IPO11: variants seen among roughly 807,000 people sequenced by gnomAD.
IPO11 encodes the protein importin 11.
Under a neutral mutation model 143.2 loss-of-function variants are expected in IPO11, and 66 were observed. The observed-to-expected ratio is 0.46, with a 90% CI of 0.38 to 0.57. The LOEUF (loss-of-function observed/expected upper bound fraction) is 0.57, where lower values mean the gene tolerates loss of function less well. Among genes scored for constraint, IPO11 ranks in the 20% least tolerant of loss-of-function variants. The probability of loss-of-function intolerance (pLI) is 0.00; values close to 1 mark genes in which losing one functional copy is unlikely to be tolerated. For missense variants in IPO11, 1,026 were observed against 1,141.0 expected, an observed-to-expected ratio of 0.90 and a Z score of 1.45; for synonymous variants, 385 against 377.8, an observed-to-expected ratio of 1.02 and a Z score of -0.22.
intron 5 of IPO11, 108 bp downstream of exon 5, chr5:62,452,041 G>A (rs1177785785): frequency 4.8e-6 from 4 of 833,188 alleles, no homozygotes; most frequent in Middle Eastern, 2.9e-4. Context: ...GGTGGATCAC[G>A]AGGTCAGGCC....
chr5:62,593,318 G>T (rs1486330234), intron 28 of IPO11, among the ~76,000 whole-genome samples: 1 of 152,186 alleles, frequency 6.6e-6, no homozygotes, highest in African/African-American at 2.4e-5. Flanking sequence ...AAATTATCTA[G>T]TGCAGTCTCA....
intron 27 of IPO11, chr5:62,579,278 A>G: frequency 7.3e-6 from 5 of 682,424 alleles, no homozygotes; most frequent in South Asian, 3.6e-5. Flanking sequence ...TTACCATGGT[A>G]TGATTTATGA....
intron 1 of IPO11, among the ~76,000 whole-genome samples, chr5:62,435,202 ATATATATGTG>A (rs1744170232): frequency 1.9e-5 from 2 of 107,016 alleles, no homozygotes; most frequent in African/African-American, 7.2e-5. Flanking sequence ...ATATATATGT[ATATATATGTG>A]TATATATATA....
rs61748227 is a variant in IPO11, at chr5:62,476,731, C to A, written c.806C>A (p.Thr269Asn). 1.5e-3 allele frequency: 2,255 copies of A among 1,516,356 alleles called. 2 individuals are homozygous for A. The highest frequency in any genetic ancestry group is 1.9e-3 in the Non-Finnish European group (2,133 of 1,129,640). 93.9% of individuals were successfully genotyped at this position (1,516,356 alleles called of 1,614,324 possible). A position where few individuals can be genotyped will look rare whatever the true frequency, so the allele number is the denominator to read the frequency against. ...GTGTGTAGAGATAGACTGGAAAAGA[C>A]CATCATTCTTTTTACTAAAGTGGTA... is the stretch of plus-strand genomic sequence containing the variant. ...DNVCRDRLEK[T>N]IILFTKVLLD... The change falls in exon 9 of 30, where the codon ACC (threonine) becomes AAC (asparagine). Residue 269 changes from threonine (T) to asparagine (N), a missense_variant. Transcript: ENST00000325324.
chr5:62,453,382 T>C (rs944666790), intron 5 of IPO11, among the ~76,000 whole-genome samples: 1 of 151,168 alleles, frequency 6.6e-6, no homozygotes, highest in African/African-American at 2.5e-5. Flanking sequence ...AGCCTAGTCC[T>C]ATAATGTGGA....
At chr5:62,554,834 G>T (rs1743517292) in intron 26 of IPO11, among the ~76,000 whole-genome samples, 2 of 152,058 alleles carry the variant, frequency 1.3e-5, no homozygotes. Context: ...TCCTGACTCA[G>T]CCTCCCCAGT....
At chr5:62,619,507 T>C (rs901186309) in intron 29 of IPO11, among the ~76,000 whole-genome samples, 1 of 152,208 alleles carries the variant, frequency 6.6e-6, no homozygotes, top group African/African-American at 2.4e-5. Context: ...AAATTTCTTA[T>C]TGAAATAGGA....
chr5:62,546,788 G>C (rs1314088391), intron 24 of IPO11, among the ~76,000 whole-genome samples: 1 of 152,102 alleles, frequency 6.6e-6, no homozygotes, highest in Non-Finnish European at 1.5e-5. Context: ...CCATTAAAAA[G>C]AAATGAAGAA....
intron 1 of IPO11, among the ~76,000 whole-genome samples, chr5:62,423,788 A>C (rs1461529815): frequency 2.0e-5 from 3 of 152,194 alleles, no homozygotes; most frequent in Non-Finnish European, 4.4e-5. Context: ...TCAAAATAAT[A>C]AACTTCATTT....
intron 15 of IPO11, among the ~76,000 whole-genome samples, chr5:62,491,240 A>G (rs1047067887): frequency 2.0e-5 from 3 of 152,212 alleles, no homozygotes; most frequent in Admixed American, 6.5e-5. Flanking sequence ...GATACTCTAA[A>G]AGTAATTCTT....
chr5:62,553,170 A>G (rs1257815540), intron 26 of IPO11, among the ~76,000 whole-genome samples: 2 of 152,126 alleles, frequency 1.3e-5, no homozygotes, highest in South Asian at 2.1e-4. Flanking sequence ...CTTTGAGGTC[A>G]TCTTTTTTAG....
chr5:62,526,400 C>CT (rs1475978263), intron 21 of IPO11, 143 bp downstream of exon 21: 28 of 581,608 alleles, frequency 4.8e-5, no homozygotes, highest in Non-Finnish European at 8.2e-5. Flanking sequence ...CATATATCTC[C>CT]TTTTTTTGGC....
chr5:62,606,618 C>T (rs972753761), intron 29 of IPO11, among the ~76,000 whole-genome samples: 6 of 151,840 alleles, frequency 4.0e-5, no homozygotes, highest in East Asian at 1.9e-4. Flanking sequence ...AGGCAGATCA[C>T]GAAGTCAGGA....
intron 24 of IPO11, among the ~76,000 whole-genome samples, chr5:62,539,356 G>C (rs1742846826): frequency 6.6e-6 from 1 of 152,068 alleles, no homozygotes; most frequent in South Asian, 2.1e-4. Context: ...ATGTTCTCCT[G>C]GTATCTGTCT....
intron 15 of IPO11, among the ~76,000 whole-genome samples, chr5:62,491,475 C>A (rs1472250505): frequency 1.3e-5 from 2 of 152,090 alleles, no homozygotes; most frequent in Non-Finnish European, 2.9e-5. Context: ...TAGTGTAAGA[C>A]CTTCACTGTC....
chr5:62,562,000 G>A (rs918891036), intron 27 of IPO11: 1 of 152,136 alleles, frequency 6.6e-6, no homozygotes, highest in Non-Finnish European at 1.5e-5. Context: ...TATACTTTTG[G>A]TTTAGTCAGC....
intron 29 of IPO11, among the ~76,000 whole-genome samples, chr5:62,612,974 G>C (rs939918741): frequency 2.0e-5 from 3 of 152,240 alleles, no homozygotes; most frequent in Non-Finnish European, 4.4e-5. Context: ...TTTTGAAATA[G>C]TGATAGATTA....
intron 24 of IPO11, among the ~76,000 whole-genome samples, chr5:62,539,426 C>G (rs760171321): frequency 3.4e-4 from 52 of 152,132 alleles, no homozygotes; most frequent in Non-Finnish European, 7.2e-4. Flanking sequence ...TAAGGGCATT[C>G]CCTAATATCT....
chr5:62,516,469 T>A (rs751034429), intron 20 of IPO11, among the ~76,000 whole-genome samples: 23 of 152,030 alleles, frequency 1.5e-4, no homozygotes, highest in Non-Finnish European at 2.6e-4. Context: ...AATTTTTGTA[T>A]TTTTAGTAGA....
Sources: allele counts gnomAD v4.1 joint callset (sites outside exome capture counted in the v4.1 genomes callset), GRCh38; gene constraint gnomAD v4.1.1; transcripts MANE v1.5; gene names NCBI Gene and HGNC (gene_info 2026-07-23, HGNC 2026-07-21).